Variants in PPARGC1A observed in about 807,000 individuals in gnomAD.
PPARGC1A encodes the protein peroxisome proliferator-activated receptor gamma coactivator 1-alpha.
In PPARGC1A, 25 loss-of-function variants were observed where a neutral mutation model predicts 88.7. The observed-to-expected ratio is 0.28, with a 90% CI of 0.21 to 0.39. PPARGC1A has a LOEUF of 0.39. Ranked by LOEUF, PPARGC1A falls within the 10% of genes least tolerant of loss-of-function variation. The probability of loss-of-function intolerance (pLI) is 1.00; values close to 1 mark genes in which losing one functional copy is unlikely to be tolerated. For synonymous variants in PPARGC1A, 363 were observed against 355.6 expected (o/e 1.02, Z -0.24); for missense variants, 880 against 968.7 (o/e 0.91, Z 1.22).
the PPARGC1A span, among the ~76,000 whole-genome samples, chr4:24,275,060 A>G: frequency 6.6e-6 from 1 of 152,190 alleles, no homozygotes; most frequent in South Asian, 2.1e-4. Flanking sequence ...GCTTTCTACA[A>G]CCCGGATTCT....
At chr4:24,395,179 A>G in the PPARGC1A span, among the ~76,000 whole-genome samples, 6 of 151,966 alleles carry the variant, frequency 3.9e-5, no homozygotes. Flanking sequence ...ATATGTAAAA[A>G]CCCTCCCAAA....
the PPARGC1A span, among the ~76,000 whole-genome samples, chr4:24,213,384 T>C: frequency 6.6e-6 from 1 of 152,062 alleles, no homozygotes; most frequent in Non-Finnish European, 1.5e-5. Context: ...GCCAGAATAG[T>C]CTCGATCTCC....
the PPARGC1A span, among the ~76,000 whole-genome samples, chr4:23,943,892 T>C: frequency 6.6e-6 from 1 of 152,042 alleles, no homozygotes; most frequent in Non-Finnish European, 1.5e-5. Context: ...CAAATCCCAA[T>C]AGAGGCATAT....
the PPARGC1A span, among the ~76,000 whole-genome samples, chr4:23,941,075 G>A: frequency 6.6e-6 from 1 of 152,056 alleles, no homozygotes; most frequent in Non-Finnish European, 1.5e-5. Flanking sequence ...TTTAGAGACA[G>A]GGTCTCACTC....
At chr4:23,849,404 A>G (rs541751006) in intron 2 of PPARGC1A, among the ~76,000 whole-genome samples, 1 of 152,226 alleles carries the variant, frequency 6.6e-6, no homozygotes, top group Non-Finnish European at 1.5e-5. Flanking sequence ...CCCTGAATAC[A>G]TGGCCTTTCT....
the PPARGC1A span, among the ~76,000 whole-genome samples, chr4:24,404,932 T>A: frequency 6.6e-6 from 1 of 152,194 alleles, no homozygotes; most frequent in Non-Finnish European, 1.5e-5. Flanking sequence ...TCTGAAGACC[T>A]AAGTTCCAGT....
the PPARGC1A span, among the ~76,000 whole-genome samples, chr4:24,033,227 TATA>T: frequency 3.3e-5 from 5 of 152,184 alleles, no homozygotes; most frequent in Non-Finnish European, 5.9e-5. Flanking sequence ...TCCTCTTCTG[TATA>T]ATGGAGGTAA....
the PPARGC1A span, among the ~76,000 whole-genome samples, chr4:24,111,912 G>A: frequency 6.6e-6 from 1 of 152,076 alleles, no homozygotes; most frequent in Non-Finnish European, 1.5e-5. Flanking sequence ...TGCCCAAATA[G>A]TTTTACTTCA....
chr4:24,034,019 CAG>C, the PPARGC1A span, among the ~76,000 whole-genome samples: 1 of 152,092 alleles, frequency 6.6e-6, no homozygotes, highest in African/African-American at 2.4e-5. Context: ...AGTGGGTGAG[CAG>C]AGTCTTGGAT....
At chr4:23,944,712 C>A in the PPARGC1A span, among the ~76,000 whole-genome samples, 1 of 152,054 alleles carries the variant, frequency 6.6e-6, no homozygotes, top group Non-Finnish European at 1.5e-5. Context: ...TGAGTTAGTT[C>A]TTATGAGATC....
the PPARGC1A span, among the ~76,000 whole-genome samples, chr4:24,339,130 A>G: frequency 6.6e-6 from 1 of 150,712 alleles, no homozygotes; most frequent in African/African-American, 2.4e-5. Flanking sequence ...AAGTGGAATC[A>G]CATATTTGTT....
the PPARGC1A span, among the ~76,000 whole-genome samples, chr4:23,978,396 G>A: frequency 1.3e-5 from 2 of 152,140 alleles, no homozygotes; most frequent in African/African-American, 2.4e-5. Context: ...TGTGATGAAC[G>A]AGGCAGCATA....
chr4:24,161,690 G>A, the PPARGC1A span, among the ~76,000 whole-genome samples: 23 of 152,280 alleles, frequency 1.5e-4, no homozygotes, highest in African/African-American at 4.8e-4. Context: ...AGCTTCCTAC[G>A]TAGTTCAGAG....
At chr4:23,985,547 T>G in the PPARGC1A span, among the ~76,000 whole-genome samples, 2 of 151,926 alleles carry the variant, frequency 1.3e-5, no homozygotes, top group African/African-American at 4.8e-5. Context: ...GAAAATATTT[T>G]AGCTAAACAG....
At chr4:24,048,170 T>C in the PPARGC1A span, among the ~76,000 whole-genome samples, 2 of 152,374 alleles carry the variant, frequency 1.3e-5, no homozygotes, top group Non-Finnish European at 2.9e-5. Context: ...CAGTAAGTCA[T>C]GCCCTCTAAT....
chr4:24,416,009 T>C, the PPARGC1A span, among the ~76,000 whole-genome samples: 1 of 152,316 alleles, frequency 6.6e-6, no homozygotes, highest in African/African-American at 2.4e-5. Flanking sequence ...GGGTCGTGAT[T>C]AATTTTTTAA....
the PPARGC1A span, among the ~76,000 whole-genome samples, chr4:23,973,342 C>G: frequency 6.6e-6 from 1 of 152,154 alleles, no homozygotes; most frequent in Non-Finnish European, 1.5e-5. Flanking sequence ...ATTTTCCTTT[C>G]TTTGATTGTG....
At chr4:24,264,365 C>CA in the PPARGC1A span, among the ~76,000 whole-genome samples, 1 of 152,150 alleles carries the variant, frequency 6.6e-6, no homozygotes, top group African/African-American at 2.4e-5. Flanking sequence ...TGTGATGCCA[C>CA]ACTGCTGAAC....
chr4:23,885,891 T>A (rs1051079198), intron 1 of PPARGC1A, among the ~76,000 whole-genome samples: 3 of 152,196 alleles, frequency 2.0e-5, no homozygotes, highest in African/African-American at 7.2e-5. Context: ...TCACCAAGAT[T>A]ATTTTAGATT....
Sources: allele counts gnomAD v4.1 joint callset (sites outside exome capture counted in the v4.1 genomes callset), GRCh38; gene constraint gnomAD v4.1.1; transcripts MANE v1.5; gene names NCBI Gene and HGNC (gene_info 2026-07-23, HGNC 2026-07-21).